The following HEATR1 variants were observed in gnomAD, a reference collection of about 807,000 sequenced individuals.
The protein encoded by HEATR1 is HEAT repeat containing 1, also known as HEAT repeat-containing protein 1.
Under a neutral mutation model 248.2 loss-of-function variants are expected in HEATR1, and 77 were observed. The ratio of observed to expected loss-of-function variants is 0.31; its 90% CI spans 0.26 to 0.37. The LOEUF (loss-of-function observed/expected upper bound fraction) is 0.37, where lower values mean the gene tolerates loss of function less well. HEATR1 is among the 10% of genes least tolerant of loss of function. The pLI, the probability that HEATR1 is intolerant of heterozygous loss-of-function variation, is 1.00. For synonymous variants in HEATR1, 897 were observed against 923.1 expected (o/e 0.97, Z 0.51); for missense variants, 2,420 against 2,504.9 (o/e 0.97, Z 0.72).
chr1:236,575,488 T>A (rs1449958125), intron 22 of HEATR1, among the ~76,000 whole-genome samples: 2 of 152,304 alleles, frequency 1.3e-5, no homozygotes, highest in Admixed American at 1.3e-4. Context: ...CCCAAAAGCA[T>A]AAAATATTTC....
At chr1:236,585,964 G>C (rs1185292320) in intron 15 of HEATR1, 23 bp from the exon 16 acceptor site, 2 of 1,612,534 alleles carry the variant, frequency 1.2e-6, no homozygotes, top group South Asian at 1.1e-5. Flanking sequence ...ATCGAATGCA[G>C]AGAGCTCTTA....
chr1:236,603,887 A>G, intron 2 of HEATR1, 67 bp downstream of exon 2: 1 of 1,549,450 alleles, frequency 6.5e-7, no homozygotes, highest in Non-Finnish European at 8.7e-7. Flanking sequence ...AAGGGGAAAA[A>G]AAAAAAACAG....
At chr1:236,594,989 G>A (rs534797673) in intron 8 of HEATR1, among the ~76,000 whole-genome samples, 3 of 152,044 alleles carry the variant, frequency 2.0e-5, no homozygotes, top group South Asian at 2.1e-4. Context: ...TTGTAGAGAC[G>A]GGGTTTTGCC....
chr1:236,581,185 T>C (rs2103141765), intron 20 of HEATR1, 37 bp downstream of exon 20: 2 of 1,511,314 alleles, frequency 1.3e-6, no homozygotes, highest in Admixed American at 1.7e-5. Flanking sequence ...CATGAACAGT[T>C]GGTCATGACA....
At chr1:236,590,775 A>T in intron 12 of HEATR1, 72 bp downstream of exon 12, 1 of 691,138 alleles carries the variant, frequency 1.4e-6, no homozygotes, top group Non-Finnish European at 2.2e-6. Flanking sequence ...TGGTAACTTC[A>T]ATTTCTTATT....
At position 236,576,902 on chromosome 1, in the gene HEATR1, G is replaced by A. The variant is rs1237006144; in HGVS notation, c.2803C>T (p.Arg935Cys). Residue 935 changes from arginine to cysteine, a missense_variant, in exon 21 of 45, where the codon CGT (arginine) becomes TGT (cysteine). Physicochemically the swap from Arg to Cys is radical, Grantham distance 180. Transcript: ENST00000366582. ...TGGAGACACTGAATGGCAGCCCTAC[G>A]AACTTCTTTTACGGGGCTTCCCAGG... The part of the protein sequence containing the change: ...INLGSPVKEV[R>C]RAAIQCLQAL... 1.9e-6 allele frequency: 3 copies of A among 1,612,844 alleles called. No individual in the cohort carries two copies. Among genetic ancestry groups the A allele is most frequent in the East Asian group, 2.2e-5 (1 of 44,854 alleles).
At position 236,581,343 on chromosome 1, in the gene HEATR1, T is replaced by G. The variant is rs1663732770; in HGVS notation, c.2634A>C (p.Ser878=). ...SVLWTYGSSL[S]NPLNCSVKTV... ...TTTTCACACTGCAGTTTAGTGGATT[T>G]GAAAGGCTAGAACCATAGGTCCATA... Residue 878 remains serine, a synonymous_variant, in exon 20 of 45, where the codon TCA becomes TCC. Transcript: ENST00000366582. 6.2e-7 allele frequency: 1 copy of G among 1,612,044 alleles called. No homozygotes were observed. Among genetic ancestry groups the G allele is most frequent in the Non-Finnish European group, 8.5e-7 (1 of 1,179,458 alleles).
chr1:236,560,933 G>A (rs1220291106), intron 33 of HEATR1, among the ~76,000 whole-genome samples: 7 of 152,192 alleles, frequency 4.6e-5, no homozygotes, highest in Non-Finnish European at 1.5e-5. Flanking sequence ...ATGAACTGTA[G>A]ATTACATCAC....
intron 2 of HEATR1, among the ~76,000 whole-genome samples, chr1:236,603,621 T>C (rs1312757225): frequency 6.9e-6 from 1 of 145,930 alleles, no homozygotes; most frequent in Non-Finnish European, 1.5e-5. Flanking sequence ...GGATATCCCC[T>C]ACAATAACTA....
chr1:236,553,144 A>C (rs1048543606), intron 43 of HEATR1, among the ~76,000 whole-genome samples: 2 of 152,198 alleles, frequency 1.3e-5, no homozygotes, highest in Non-Finnish European at 2.9e-5. Context: ...CCACTTACTC[A>C]ACAAGATCAT....
chr1:236,559,434 T>C lies in HEATR1; in HGVS notation c.4770+280A>G, dbSNP rs559222857. Among the ~76,000 whole-genome samples, 3 of 152,344 alleles carry C rather than the reference T, an allele frequency of 2.0e-5. No homozygotes were observed. The East Asian group carries it at 5.8e-4, about 29-fold the overall frequency. On this transcript the variant is annotated intron_variant, in intron 34 of 44. Coordinates refer to ENST00000366582, the MANE Select transcript of HEATR1 (RefSeq NM_018072.6). ...AGTGATATGTATGTAATATACTTCA[T>C]ACTTTTATTTTATTCCACTTGAATA... is the stretch of plus-strand genomic sequence containing the variant.
At chr1:236,585,621 T>A (rs751614783) in intron 16 of HEATR1, among the ~76,000 whole-genome samples, 199 bp downstream of exon 16, 69 of 152,090 alleles carry the variant, frequency 4.5e-4, no homozygotes, top group Non-Finnish European at 8.4e-4. Flanking sequence ...TGGATCCACA[T>A]TGAAAAAATA....
intron 32 of HEATR1, among the ~76,000 whole-genome samples, chr1:236,564,207 GAAT>G (rs1331228090): frequency 6.6e-6 from 1 of 152,184 alleles, no homozygotes; most frequent in Non-Finnish European, 1.5e-5. Context: ...AGAATGTTAT[GAAT>G]ATTATAAAGA....
rs187607372 is a variant in HEATR1 at position 236,558,749 on chromosome 1, A to T, written c.4912-220T>A. Among the ~76,000 whole-genome samples, 96 of 152,360 alleles carry T rather than the reference A, an allele frequency of 6.3e-4. 2 individuals are homozygous for T. The highest frequency in any genetic ancestry group is 6.8e-3 in the Middle Eastern group (2 of 294). On this transcript the variant is annotated intron_variant, in intron 35 of 44. Coordinates refer to ENST00000366582, the MANE Select transcript of HEATR1 (RefSeq NM_018072.6). ...GGGACTTAGAACTATGCTAAGGCTA[A>T]GGCCACGTAAGCTCTGTAGTAAGCA...
Position 236,551,979 on chromosome 1 carries a change from G to C in HEATR1, c.6346+20C>G, listed in dbSNP as rs750543395. The C allele has an allele frequency of 2.8e-6, 4 of 1,425,438 alleles. No homozygotes were observed. The highest frequency in any genetic ancestry group is 4.0e-6 in the Non-Finnish European group (4 of 1,010,538). The allele number at this position is 1,425,438 out of a possible 1,614,324, so 88.3% of individuals were successfully genotyped here. ...ATTATTCCTTAATTGTTTAATGGTT[G>C]GGAATAGTTTGGGAATTACCTTCCA... On this transcript the variant is annotated intron_variant, in intron 44 of 44. Coordinates refer to ENST00000366582, the MANE Select transcript of HEATR1 (RefSeq NM_018072.6).
Position 236,555,298 on chromosome 1 carries a change from G to A in HEATR1, c.5921C>T (p.Thr1974Ile), listed in dbSNP as rs781303735. ...GCTGAACTGAAGCGACCACCCACCT[G>A]TTTTGGAGATGTTCACCTGGTTCAA... ...DTLNQVNISK[T>I]DEAFFDSEND... Residue 1974 changes from threonine to isoleucine, a missense_variant and splice_region_variant, in exon 41 of 45, where the codon ACA (threonine) becomes ATA (isoleucine). By Grantham distance (89) the Thr-to-Ile change is moderately conservative. Transcript: ENST00000366582. The A allele has an allele frequency of 1.2e-6, 2 of 1,614,058 alleles. No individual in the cohort carries two copies. Among genetic ancestry groups the A allele is most frequent in the Non-Finnish European group, 1.7e-6 (2 of 1,179,950 alleles).
chr1:236,576,465 T>A, intron 21 of HEATR1, 88 bp from the exon 22 acceptor site: 2 of 950,728 alleles, frequency 2.1e-6, no homozygotes, highest in Non-Finnish European at 3.1e-6. Context: ...CTTACCCAAA[T>A]GATGTGACAT....
intron 20 of HEATR1, among the ~76,000 whole-genome samples, chr1:236,579,962 A>C (rs1349676800): frequency 6.6e-6 from 1 of 151,998 alleles, no homozygotes; most frequent in Non-Finnish European, 1.5e-5. Context: ...ACAAAAAAAA[A>C]CCAAGGACAT....
intron 11 of HEATR1, 24 bp from the exon 12 acceptor site, chr1:236,590,978 A>G (rs775994818): frequency 1.7e-6 from 2 of 1,197,938 alleles, no homozygotes; most frequent in South Asian, 2.1e-5. Flanking sequence ...CATAGTTATC[A>G]AATGATTTCA....
Sources: allele counts gnomAD v4.1 joint callset (sites outside exome capture counted in the v4.1 genomes callset), GRCh38; gene constraint gnomAD v4.1.1; transcripts MANE v1.5; gene names NCBI Gene and HGNC (gene_info 2026-07-23, HGNC 2026-07-21).